MACROD1: variants seen among roughly 807,000 people sequenced by gnomAD.
MACROD1 encodes mono-ADP ribosylhydrolase 1.
Under a neutral mutation model 41.4 loss-of-function variants are expected in MACROD1, and 31 were observed. The ratio of observed to expected loss-of-function variants is 0.75; its 90% CI spans 0.56 to 1.01. The LOEUF is 1.01. MACROD1 is among the 50% of genes least tolerant of loss of function. The probability of loss-of-function intolerance (pLI) is 0.00; values close to 1 mark genes in which losing one functional copy is unlikely to be tolerated. For missense variants in MACROD1, 473 were observed against 460.0 expected, an observed-to-expected ratio of 1.03 and a Z score of -0.26; for synonymous variants, 252 against 203.4, an observed-to-expected ratio of 1.24 and a Z score of -2.03.
Position 64,067,923 on chromosome 11 carries a change from G to A in MACROD1, c.518-52642C>T, listed in dbSNP as rs1004846835. 6.6e-5 allele frequency among the ~76,000 whole-genome samples: 10 copies of A among 152,072 alleles called. No individual in the cohort carries two copies. The highest frequency in any genetic ancestry group is 8.8e-5 in the Non-Finnish European group (6 of 68,012). ...GCTCGGCTTTTAGGAGGGGGCTGGC[G>A]GTGAACCCATCCCCGTTACAATGCA... On this transcript the variant is annotated intron_variant, in intron 3 of 10. Coordinates refer to ENST00000255681, the MANE Select transcript of MACROD1 (RefSeq NM_014067.4). This position sits in a 1 kb window ranked among gnomAD's most constrained non-coding sequence, Gnocchi z 4.6.
chr11:64,065,600 T>G (rs189711925), intron 3 of MACROD1, among the ~76,000 whole-genome samples: 1 of 148,292 alleles, frequency 6.7e-6, no homozygotes, highest in Non-Finnish European at 1.5e-5. Flanking sequence ...CCATCCTGGC[T>G]AACACGGTGA....
chr11:64,060,553 C>G (rs1943879832), intron 3 of MACROD1: 1 of 152,202 alleles, frequency 6.6e-6, no homozygotes, highest in African/African-American at 2.4e-5. Flanking sequence ...AGAGCAGGCC[C>G]CAGCCTGGAG....
At chr11:64,114,646 G>T (rs1944941888) in intron 3 of MACROD1, among the ~76,000 whole-genome samples, 1 of 151,784 alleles carries the variant, frequency 6.6e-6, no homozygotes, top group South Asian at 2.1e-4. Context: ...TGAATGGATG[G>T]ATGGATGAAT....
intron 3 of MACROD1, among the ~76,000 whole-genome samples, chr11:64,106,416 G>A (rs2134576581): frequency 6.6e-6 from 1 of 152,326 alleles, no homozygotes; most frequent in African/African-American, 2.4e-5. Flanking sequence ...TGTTTACTGA[G>A]CACTTTCTGT....
chr11:64,068,081 G>A (rs1944039103), intron 3 of MACROD1, among the ~76,000 whole-genome samples: 1 of 152,202 alleles, frequency 6.6e-6, no homozygotes. Flanking sequence ...TCTCAAACCG[G>A]AGCCGGGCGA....
chr11:64,132,187 T>C (rs1342116523), intron 3 of MACROD1, among the ~76,000 whole-genome samples: 1 of 151,942 alleles, frequency 6.6e-6, no homozygotes, highest in Non-Finnish European at 1.5e-5. Flanking sequence ...CAGCCCCACG[T>C]CCTCCAAGCT....
chr11:64,148,952 G>A (rs1945535143), intron 3 of MACROD1: 1 of 985,286 alleles, frequency 1.0e-6, no homozygotes, highest in African/African-American at 1.7e-5. Flanking sequence ...CTCGGGCTCT[G>A]TGTGGGAAGC....
chr11:64,088,959 G>T (rs1382282421), intron 3 of MACROD1, among the ~76,000 whole-genome samples: 1 of 152,170 alleles, frequency 6.6e-6, no homozygotes, highest in East Asian at 1.9e-4. Context: ...CACCATGGAG[G>T]CTGGGGAGGA....
intron 3 of MACROD1, among the ~76,000 whole-genome samples, chr11:64,077,970 C>T (rs933981218): frequency 1.2e-4 from 18 of 150,142 alleles, no homozygotes; most frequent in Admixed American, 4.6e-4. Flanking sequence ...AGCCTGGCCT[C>T]CTTTCCCCTG....
chr11:64,066,294 CAAA>C (rs59963244), intron 3 of MACROD1, among the ~76,000 whole-genome samples: 1,801 of 50,932 alleles, frequency 0.035, 31 homozygotes, highest in African/African-American at 0.11. Context: ...GAGACTGTCT[CAAA>C]AAAAAAAAAA....
At chr11:64,106,891 T>C (rs1199365683) in intron 3 of MACROD1, among the ~76,000 whole-genome samples, 1 of 151,296 alleles carries the variant, frequency 6.6e-6, no homozygotes, top group African/African-American at 2.4e-5. Flanking sequence ...TTTTATTTTA[T>C]TTTTTTTTGA....
intron 3 of MACROD1, among the ~76,000 whole-genome samples, chr11:64,046,016 A>C (rs1230770103): frequency 6.6e-6 from 1 of 152,126 alleles, no homozygotes; most frequent in Non-Finnish European, 1.5e-5. Flanking sequence ...ACTGTATCTC[A>C]TTTAATCCCC....
chr11:64,069,208 C>T (rs2250280), intron 3 of MACROD1, among the ~76,000 whole-genome samples: 51,102 of 152,050 alleles, frequency 0.34, 13,369 homozygotes, highest in African/African-American at 0.71. Flanking sequence ...TGCGCGCGGC[C>T]GGGGGCCCGA....
At chr11:64,102,603 G>C (rs1488240117) in intron 3 of MACROD1, among the ~76,000 whole-genome samples, 1 of 152,210 alleles carries the variant, frequency 6.6e-6, no homozygotes, top group Non-Finnish European at 1.5e-5. Context: ...CCAGGAGCTC[G>C]AAAAACTTCA....
chr11:64,109,423 C>G (rs1010254853), intron 3 of MACROD1, among the ~76,000 whole-genome samples: 4 of 152,142 alleles, frequency 2.6e-5, no homozygotes, highest in Non-Finnish European at 5.9e-5. Flanking sequence ...CCGGCCTCTC[C>G]CCACTCGTGA....
intron 4 of MACROD1, among the ~76,000 whole-genome samples, chr11:64,010,001 A>G (rs921360353): frequency 4.6e-4 from 57 of 123,368 alleles, no homozygotes; most frequent in African/African-American, 1.5e-3. Flanking sequence ...TGCCTGGGGT[A>G]TTGGTTGGGG....
At chr11:64,004,971 G>T (rs948221070) in intron 4 of MACROD1, among the ~76,000 whole-genome samples, 1 of 152,130 alleles carries the variant, frequency 6.6e-6, no homozygotes, top group Non-Finnish European at 1.5e-5. Context: ...GGGGGGTTAA[G>T]CAACCTGTCC....
At chr11:64,003,991 G>A (rs903205468) in intron 4 of MACROD1, among the ~76,000 whole-genome samples, 2 of 152,332 alleles carry the variant, frequency 1.3e-5, no homozygotes, top group Admixed American at 6.5e-5. Context: ...GTGGGCTCTC[G>A]TTCCTCAGGC....
chr11:64,041,082 T>C (rs1366650447), intron 3 of MACROD1, among the ~76,000 whole-genome samples: 2 of 151,728 alleles, frequency 1.3e-5, no homozygotes, highest in Non-Finnish European at 2.9e-5. Flanking sequence ...GTCCTGGCCA[T>C]TCCTGCCCGC....
Sources: gnomAD v4.1 joint callset for allele counts (sites outside exome capture counted in the v4.1 genomes callset) on GRCh38, gnomAD v4.1.1 for gene constraint, Gnocchi (gnomAD v3.1) non-coding constraint, MANE v1.5 for transcripts, NCBI Gene and HGNC (gene_info 2026-07-23, HGNC 2026-07-21) for gene names.